Variants in ZNF429 observed in about 807,000 individuals in gnomAD.
ZNF429 encodes the protein zinc finger protein 429.
In ZNF429, 53 loss-of-function variants were observed where a neutral mutation model predicts 56.8. The ratio of observed to expected loss-of-function variants is 0.93; its 90% CI spans 0.75 to 1.17. The LOEUF is 1.17. Ranked by LOEUF, ZNF429 falls within the 50% of genes most tolerant of loss-of-function variation. The pLI is 0.00. For synonymous variants in ZNF429, 278 were observed against 264.7 expected (o/e 1.05, Z -0.49); for missense variants, 849 against 788.4 (o/e 1.08, Z -0.92).
intron 1 of ZNF429, among the ~76,000 whole-genome samples, chr19:21,513,311 T>C (rs2032588877): frequency 6.6e-6 from 1 of 152,224 alleles, no homozygotes. Context: ...GTCCTATACA[T>C]TTCTTCCATT....
chr19:21,536,064 G>T, intron 3 of ZNF429, among the ~76,000 whole-genome samples: 5 of 152,118 alleles, frequency 3.3e-5, no homozygotes, highest in Non-Finnish European at 7.4e-5. Flanking sequence ...CTCACCTGGG[G>T]CGTTGTACAC....
chr19:21,536,141 T>C, intron 3 of ZNF429, 139 bp from the exon 4 acceptor site: 1 of 877,978 alleles, frequency 1.1e-6, no homozygotes, highest in Non-Finnish European at 1.7e-6. Flanking sequence ...TATTTATATG[T>C]TTATGAAGAA....
intron 1 of ZNF429, among the ~76,000 whole-genome samples, chr19:21,515,436 T>C (rs559775557): frequency 6.6e-6 from 1 of 152,164 alleles, no homozygotes; most frequent in East Asian, 1.9e-4. Flanking sequence ...TTTAATAAGG[T>C]TGTTTTTTCT....
chr19:21,539,782 T>G lies in ZNF429; in HGVS notation c.*1704T>G, dbSNP rs1262418444. ...ATATATAAAATTTTTGAAAAGCAAA[T>G]TATGATATAATTCAAGTATCAAATT... On this transcript the variant is annotated 3_prime_UTR_variant, in exon 4 of 4. Transcript: ENST00000358491. Among the ~76,000 whole-genome samples the G allele has an allele frequency of 6.6e-6, 1 of 152,104 alleles. No homozygotes were observed. The highest frequency in any genetic ancestry group is 1.5e-5 in the Non-Finnish European group (1 of 68,026).
intron 1 of ZNF429, among the ~76,000 whole-genome samples, chr19:21,506,583 T>A (rs532523727): frequency 6.6e-6 from 1 of 152,068 alleles, no homozygotes; most frequent in South Asian, 2.1e-4. Flanking sequence ...ACTTTGCGCA[T>A]GGTACAAAAA....
At chr19:21,530,004 A>T in intron 2 of ZNF429, among the ~76,000 whole-genome samples, 1 of 152,088 alleles carries the variant, frequency 6.6e-6, no homozygotes, top group Admixed American at 6.5e-5. Context: ...ATCCTGGCTA[A>T]CACGGTGAAA....
At chr19:21,527,375 G>T (rs771218848) in intron 1 of ZNF429, among the ~76,000 whole-genome samples, 1 of 152,072 alleles carries the variant, frequency 6.6e-6, no homozygotes, top group Non-Finnish European at 1.5e-5. Context: ...CTCTTTACTT[G>T]TGCCCTTTCA....
chr19:21,523,042 A>G (rs571317159), intron 1 of ZNF429, among the ~76,000 whole-genome samples: 168 of 152,264 alleles, frequency 1.1e-3, no homozygotes, highest in African/African-American at 3.8e-3. Flanking sequence ...ACCTCTTTCA[A>G]TGACTCTTGT....
intron 1 of ZNF429, among the ~76,000 whole-genome samples, chr19:21,517,533 A>G (rs118098836): frequency 0.12 from 13,896 of 113,892 alleles, no homozygotes; most frequent in African/African-American, 0.14. Context: ...TTGTACATCT[A>G]GTAGAATTCA....
chr19:21,535,445 TTTCTTTCTTTCTTTC>T, intron 3 of ZNF429, among the ~76,000 whole-genome samples: 4 of 87,878 alleles, frequency 4.6e-5, no homozygotes, highest in Admixed American at 4.0e-4. Context: ...TCTTTCTTTC[TTTCTTTCTTTCTTTC>T]TTTCTTTCTT....
At chr19:21,518,048 A>G (rs1369383668) in intron 1 of ZNF429, among the ~76,000 whole-genome samples, 1 of 68,814 alleles carries the variant, frequency 1.5e-5, no homozygotes, top group Non-Finnish European at 3.1e-5. Context: ...TCGGCCTCCC[A>G]AAGTGCTGGG....
intron 1 of ZNF429, among the ~76,000 whole-genome samples, chr19:21,512,487 C>A (rs977730494): frequency 6.6e-6 from 1 of 151,666 alleles, no homozygotes; most frequent in Non-Finnish European, 1.5e-5. Context: ...TGATGAAACC[C>A]CATCTCTACT....
rs941211427 is a variant in ZNF429 at position 21,540,158 on chromosome 19, A to C, written c.*2080A>C. Among the ~76,000 whole-genome samples, 1 of 152,138 alleles carries C rather than the reference A, an allele frequency of 6.6e-6. No homozygotes were observed. Among genetic ancestry groups the C allele is most frequent in the Non-Finnish European group, 1.5e-5 (1 of 67,996 alleles). ...AATTTTTAAATTATATGTAAATTTG[A>C]TTTTATTTGTTACCATGTTAAGACT... On this transcript the variant is annotated 3_prime_UTR_variant, in exon 4 of 4. Transcript: ENST00000358491.
rs11878313 is a variant in ZNF429, at chr19:21,515,854, C to G, written c.3+10080C>G. On this transcript the variant is annotated intron_variant, in intron 1 of 3. Coordinates refer to ENST00000358491, the MANE Select transcript of ZNF429 (RefSeq NM_001001415.4). ...TTTATTAAACAGAAAATTCTTCTTA[C>G]GTTCCTCTTGTCAGCTTTGTCAAAT... Among the ~76,000 whole-genome samples, 1,516 of 152,078 alleles carry G rather than the reference C, an allele frequency of 1.0e-2. 26 individuals are homozygous for G. The highest frequency in any genetic ancestry group is 0.034 in the African/African-American group (1,419 of 41,480).
At chr19:21,530,052 A>G in intron 2 of ZNF429, among the ~76,000 whole-genome samples, 1 of 152,198 alleles carries the variant, frequency 6.6e-6, no homozygotes, top group African/African-American at 2.4e-5. Context: ...TTAGCTGGGC[A>G]CAGTGGCAGG....
intron 3 of ZNF429, among the ~76,000 whole-genome samples, chr19:21,535,170 T>C: frequency 6.6e-6 from 1 of 151,640 alleles, no homozygotes; most frequent in Non-Finnish European, 1.5e-5. Context: ...ATCATCCTAA[T>C]AGTCAGTAAT....
intron 1 of ZNF429, among the ~76,000 whole-genome samples, chr19:21,512,300 C>T (rs1267220307): frequency 2.0e-5 from 3 of 151,976 alleles, no homozygotes; most frequent in Admixed American, 6.6e-5. Flanking sequence ...TTAGCTGGCT[C>T]CTTTACTGCC....
chr19:21,512,821 CAG>C (rs1319820006), intron 1 of ZNF429, among the ~76,000 whole-genome samples: 1 of 151,988 alleles, frequency 6.6e-6, no homozygotes, highest in African/African-American at 2.4e-5. Context: ...AGAAAATGTG[CAG>C]AGTCTATGTC....
chr19:21,535,265 T>C, intron 3 of ZNF429, among the ~76,000 whole-genome samples: 1 of 147,292 alleles, frequency 6.8e-6, no homozygotes, highest in Admixed American at 6.9e-5. Flanking sequence ...AGACTCAAAC[T>C]CTCATTGTGA....
Sources: gnomAD v4.1 joint callset for allele counts (sites outside exome capture counted in the v4.1 genomes callset) on GRCh38, gnomAD v4.1.1 for gene constraint, MANE v1.5 for transcripts, NCBI Gene and HGNC (gene_info 2026-07-23, HGNC 2026-07-21) for gene names.